The following KCNH7 variants were observed in gnomAD, a reference collection of about 807,000 sequenced individuals.
The protein encoded by KCNH7 is potassium voltage-gated channel subfamily H member 7, also known as voltage-gated inwardly rectifying potassium channel KCNH7.
In KCNH7, 49 loss-of-function variants were observed where a neutral mutation model predicts 120.8. That is an observed-to-expected ratio of 0.41 (90% CI 0.32 to 0.51). The LOEUF (loss-of-function observed/expected upper bound fraction) is 0.51. KCNH7 is among the 20% of genes least tolerant of loss of function. KCNH7 has a pLI of 0.38. For missense variants in KCNH7, 1,097 were observed against 1,446.6 expected, an observed-to-expected ratio of 0.76 and a Z score of 3.92; for synonymous variants, 547 against 516.1, an observed-to-expected ratio of 1.06 and a Z score of -0.81.
chr2:162,835,440 C>G (rs1232427738), intron 2 of KCNH7, among the ~76,000 whole-genome samples: 1 of 151,772 alleles, frequency 6.6e-6, no homozygotes, highest in East Asian at 1.9e-4. Flanking sequence ...ACATATTTAT[C>G]AAAAGCTTAA....
chr2:162,632,160 A>C (rs1163034821), intron 2 of KCNH7, among the ~76,000 whole-genome samples: 1 of 152,008 alleles, frequency 6.6e-6, no homozygotes, highest in Non-Finnish European at 1.5e-5. Flanking sequence ...AAAGACATAA[A>C]ATGATTCAGC....
At chr2:162,760,937 G>T (rs2105450722) in intron 2 of KCNH7, among the ~76,000 whole-genome samples, 1 of 152,194 alleles carries the variant, frequency 6.6e-6, no homozygotes, top group East Asian at 1.9e-4. Context: ...TTTACGTGTA[G>T]AATAGCAACT....
At chr2:162,558,553 G>A in intron 2 of KCNH7, among the ~76,000 whole-genome samples, 1 of 119,186 alleles carries the variant, frequency 8.4e-6, no homozygotes, top group African/African-American at 3.4e-5. Context: ...AAGAAATGAA[G>A]AAAAAATGAG....
intron 2 of KCNH7, among the ~76,000 whole-genome samples, chr2:162,612,331 A>G (rs1346760963): frequency 6.6e-6 from 1 of 152,206 alleles, no homozygotes; most frequent in Non-Finnish European, 1.5e-5. Context: ...AAAGGATTAG[A>G]TCCTTGGTGA....
At chr2:162,719,514 G>T (rs1402290538) in intron 2 of KCNH7, among the ~76,000 whole-genome samples, 1 of 151,946 alleles carries the variant, frequency 6.6e-6, no homozygotes, top group Non-Finnish European at 1.5e-5. Flanking sequence ...AATCTCCACA[G>T]AATAGCTCTG....
At chr2:162,660,739 T>G (rs1684929038) in intron 2 of KCNH7, among the ~76,000 whole-genome samples, 1 of 152,220 alleles carries the variant, frequency 6.6e-6, no homozygotes, top group Non-Finnish European at 1.5e-5. Context: ...TTTTATACAC[T>G]GTCAAACAAA....
Position 162,561,000 on chromosome 2 carries a change from G to C in KCNH7, c.308-23920C>G, listed in dbSNP as rs376867309. Among the ~76,000 whole-genome samples, 5 of 151,962 alleles carry C rather than the reference G, an allele frequency of 3.3e-5. No homozygotes were observed. In the East Asian group the frequency reaches 5.8e-4, roughly 18 times the overall value. Reference sequence around the variant, plus strand: ...TGTCAAAATGGAATTATTCTTATATGGAACTATAGTAGTTAGACAGCTTCA... The same window carrying C: ...TGTCAAAATGGAATTATTCTTATATCGAACTATAGTAGTTAGACAGCTTCA... On this transcript the variant is annotated intron_variant, in intron 2 of 15. Transcript: ENST00000332142.
intron 2 of KCNH7, among the ~76,000 whole-genome samples, chr2:162,616,056 A>G (rs1448284492): frequency 6.6e-6 from 1 of 152,210 alleles, no homozygotes; most frequent in Non-Finnish European, 1.5e-5. Flanking sequence ...CTGGAGTGGA[A>G]ATCAAGCACA....
intron 2 of KCNH7, among the ~76,000 whole-genome samples, chr2:162,589,096 A>G (rs1035370580): frequency 5.3e-5 from 8 of 152,080 alleles, no homozygotes; most frequent in Admixed American, 2.0e-4. Context: ...TAAATATTTC[A>G]TGCCCACCTT....
intron 2 of KCNH7, among the ~76,000 whole-genome samples, chr2:162,657,964 C>G (rs2105272117): frequency 6.6e-6 from 1 of 152,036 alleles, no homozygotes. Flanking sequence ...TCATAACCCC[C>G]AATGTTATGG....
chr2:162,413,507 T>C (rs1337042218), intron 9 of KCNH7, among the ~76,000 whole-genome samples: 1 of 152,088 alleles, frequency 6.6e-6, no homozygotes, highest in Non-Finnish European at 1.5e-5. Flanking sequence ...TACCCAATGA[T>C]GTAATGTGTA....
intron 2 of KCNH7, among the ~76,000 whole-genome samples, chr2:162,632,958 A>G: frequency 6.6e-6 from 1 of 151,828 alleles, no homozygotes; most frequent in East Asian, 1.9e-4. Context: ...AGTGGGAGGA[A>G]AAAATTTGGT....
intron 2 of KCNH7, among the ~76,000 whole-genome samples, chr2:162,697,718 G>A (rs1156679374): frequency 6.6e-6 from 1 of 151,936 alleles, no homozygotes; most frequent in Non-Finnish European, 1.5e-5. Flanking sequence ...ATGATTTTCT[G>A]TGTCAGTGCT....
At chr2:162,492,360 C>T (rs893374756) in intron 6 of KCNH7, among the ~76,000 whole-genome samples, 1 of 152,206 alleles carries the variant, frequency 6.6e-6, no homozygotes, top group Non-Finnish European at 1.5e-5. Flanking sequence ...AAGTCTCCAT[C>T]TTGTTTTATG....
intron 2 of KCNH7, among the ~76,000 whole-genome samples, chr2:162,744,043 C>T (rs2060447): frequency 0.42 from 64,354 of 151,904 alleles, 19,485 homozygotes; most frequent in African/African-American, 0.84. Flanking sequence ...ACATAATGCA[C>T]GGATTCGCCA....
Position 162,533,044 on chromosome 2 carries a change from G to A in KCNH7, c.463+3881C>T, listed in dbSNP as rs866494158. 1.4e-4 allele frequency among the ~76,000 whole-genome samples: 22 copies of A among 151,912 alleles called. 1 individual carries two copies. Among genetic ancestry groups the A allele is most frequent in the Middle Eastern group, 3.4e-3 (1 of 294 alleles). ...GTGCAAAATAATTGAGGTTTTTGCC[G>A]TAATAATTTTATTTTTGCTCAAAAT... On this transcript the variant is annotated intron_variant, in intron 3 of 15. Transcript: ENST00000332142.
intron 9 of KCNH7, among the ~76,000 whole-genome samples, chr2:162,418,107 C>A (rs1687592102): frequency 6.6e-6 from 1 of 152,156 alleles, no homozygotes; most frequent in African/African-American, 2.4e-5. Context: ...TTCCTATCAA[C>A]TAATCTACAT....
chr2:162,715,592 A>G (rs1042398439), intron 2 of KCNH7, among the ~76,000 whole-genome samples: 1 of 152,150 alleles, frequency 6.6e-6, no homozygotes, highest in Non-Finnish European at 1.5e-5. Flanking sequence ...CTTGCCCCAT[A>G]TTCTAAATTG....
intron 2 of KCNH7, among the ~76,000 whole-genome samples, chr2:162,826,085 T>G (rs1330516169): frequency 6.6e-6 from 1 of 152,088 alleles, no homozygotes; most frequent in African/African-American, 2.4e-5. Context: ...ACTGATGAAG[T>G]GTCTTCTGAT....
Sources: gnomAD v4.1 joint callset for allele counts (sites outside exome capture counted in the v4.1 genomes callset) on GRCh38, gnomAD v4.1.1 for gene constraint, MANE v1.5 for transcripts, NCBI Gene and HGNC (gene_info 2026-07-23, HGNC 2026-07-21) for gene names.